The following IL36B variants were observed in gnomAD, a reference collection of about 807,000 sequenced individuals.
The protein encoded by IL36B is interleukin 36 beta, also known as interleukin-36 beta.
A neutral mutation model predicts 19.3 loss-of-function variants in IL36B; 23 were observed. The observed-to-expected ratio is 1.19, with a 90% confidence interval of 0.86 to 1.69. The LOEUF (loss-of-function observed/expected upper bound fraction) is 1.69. Ranked by LOEUF, IL36B falls within the 40% of genes most tolerant of loss-of-function variation. The pLI, the probability that IL36B is intolerant of heterozygous loss-of-function variation, is 0.00. For synonymous variants in IL36B, 59 were observed against 59.7 expected, an observed-to-expected ratio of 0.99 and a Z score of 0.05; for missense variants, 217 against 200.5, an observed-to-expected ratio of 1.08 and a Z score of -0.50.
At chr2:113,051,652 T>G (rs922142652) in intron 1 of IL36B, among the ~76,000 whole-genome samples, 1 of 152,142 alleles carries the variant, frequency 6.6e-6, no homozygotes, top group Non-Finnish European at 1.5e-5. Flanking sequence ...CATCCAGGGT[T>G]TCTCGAAAGC....
At chr2:113,032,281 C>T (rs1040962850) in intron 1 of IL36B, among the ~76,000 whole-genome samples, 1 of 152,088 alleles carries the variant, frequency 6.6e-6, no homozygotes, top group Admixed American at 6.5e-5. Context: ...CCATCTTCTT[C>T]CATTCCTCAT....
chr2:113,028,963 C>G lies in IL36B; in HGVS notation c.237G>C (p.Gln79His), dbSNP rs145021212. 404 of 1,614,096 alleles carry G rather than the reference C, an allele frequency of 2.5e-4. No homozygotes were observed. Among genetic ancestry groups the G allele is most frequent in the Non-Finnish European group, 3.4e-4 (396 of 1,179,982 alleles). The stretch of plus-strand genomic sequence containing the variant: ...CCTTAAGCTGCAAAGTAGGCTTGCC[C>G]TGAATTTCTGCACAGAAGAGACAGA... The change falls in exon 4 of 6, where the codon CAG becomes CAC. Residue 79 changes from glutamine (Q) to histidine (H), a missense_variant. Gln to His is a conservative substitution (Grantham distance 24). Transcript: ENST00000259213.
intron 1 of IL36B, among the ~76,000 whole-genome samples, chr2:113,034,472 A>G (rs1685131448): frequency 7.3e-6 from 1 of 136,354 alleles, no homozygotes; most frequent in Admixed American, 7.7e-5. Flanking sequence ...GTTTTGGAAA[A>G]TGTATTTATC....
chr2:113,038,321 T>C (rs982230659), intron 1 of IL36B, among the ~76,000 whole-genome samples: 13 of 152,236 alleles, frequency 8.5e-5, no homozygotes, highest in African/African-American at 3.1e-4. Flanking sequence ...GGCTCAGACA[T>C]CTGCCCAGTG....
intron 3 of IL36B, 105 bp downstream of exon 3, chr2:113,030,943 C>T: frequency 6.4e-6 from 5 of 782,262 alleles, no homozygotes; most frequent in South Asian, 4.5e-5. Flanking sequence ...GGGCTGGTGC[C>T]TAGAAGTGGG....
intron 1 of IL36B, among the ~76,000 whole-genome samples, chr2:113,046,385 A>AT (rs1558837506): frequency 1.3e-5 from 2 of 151,908 alleles, no homozygotes; most frequent in South Asian, 2.1e-4. Context: ...AATTTTTTGT[A>AT]TTTTTAGTAG....
chr2:113,028,593 G>A (rs560829444), intron 4 of IL36B, among the ~76,000 whole-genome samples: 1 of 152,288 alleles, frequency 6.6e-6, no homozygotes, highest in South Asian at 2.1e-4. Context: ...CTCCTCTGCT[G>A]TGCAGTCACC....
chr2:113,037,303 C>G (rs1685181777), intron 1 of IL36B, among the ~76,000 whole-genome samples: 1 of 152,178 alleles, frequency 6.6e-6, no homozygotes. Context: ...TTCTCTGGAA[C>G]AGAATAGAGA....
intron 4 of IL36B, among the ~76,000 whole-genome samples, chr2:113,026,862 T>C (rs1684971416): frequency 6.6e-6 from 1 of 152,214 alleles, no homozygotes; most frequent in African/African-American, 2.4e-5. Flanking sequence ...TTTTAAAATA[T>C]GGATTGGTTT....
chr2:113,028,357 G>A (rs1685004089), intron 4 of IL36B, among the ~76,000 whole-genome samples: 1 of 152,160 alleles, frequency 6.6e-6, no homozygotes, highest in Non-Finnish European at 1.5e-5. Context: ...AAGCATCACT[G>A]TCTTCCCTGG....
intron 1 of IL36B, among the ~76,000 whole-genome samples, chr2:113,033,517 G>A (rs1378368641): frequency 1.3e-5 from 2 of 152,166 alleles, no homozygotes; most frequent in Non-Finnish European, 2.9e-5. Flanking sequence ...AGGATTACAG[G>A]CGTGAGCCAC....
intron 5 of IL36B, among the ~76,000 whole-genome samples, chr2:113,025,701 A>G (rs2105039287): frequency 6.6e-6 from 1 of 152,344 alleles, no homozygotes. Context: ...GAAGGGATTT[A>G]GGATGTTAGT....
chr2:113,029,710 A>G (rs1022088175), intron 3 of IL36B, among the ~76,000 whole-genome samples: 5 of 152,182 alleles, frequency 3.3e-5, no homozygotes, highest in Non-Finnish European at 7.4e-5. Flanking sequence ...CGGGTAAACT[A>G]TTGAGAGAGG....
At chr2:113,025,632 G>T (rs1245493441) in intron 5 of IL36B, among the ~76,000 whole-genome samples, 2 of 152,156 alleles carry the variant, frequency 1.3e-5, no homozygotes, top group African/African-American at 4.8e-5. Flanking sequence ...TATGGACCTC[G>T]CAGAAGATAA....
At chr2:113,040,111 G>A (rs950438510) in intron 1 of IL36B, among the ~76,000 whole-genome samples, 1 of 152,216 alleles carries the variant, frequency 6.6e-6, no homozygotes, top group South Asian at 2.1e-4. Flanking sequence ...TGCTGAAATT[G>A]TCCAGACAAG....
intron 3 of IL36B, among the ~76,000 whole-genome samples, chr2:113,030,617 C>G (rs17042712): frequency 0.05 from 7,685 of 152,188 alleles, 644 homozygotes; most frequent in African/African-American, 0.18. Context: ...GATGGACTGA[C>G]TTTTGATGGG....
At chr2:113,041,628 C>T (rs1345560090) in intron 1 of IL36B, among the ~76,000 whole-genome samples, 1 of 152,150 alleles carries the variant, frequency 6.6e-6, no homozygotes, top group Non-Finnish European at 1.5e-5. Context: ...ACTTATTAGG[C>T]TCATCAAATG....
chr2:113,036,891 A>T (rs1685175854), intron 1 of IL36B, among the ~76,000 whole-genome samples: 1 of 152,234 alleles, frequency 6.6e-6, no homozygotes, highest in African/African-American at 2.4e-5. Context: ...TGCCCTGTGT[A>T]GCCTGCCTAT....
chr2:113,048,525 G>A (rs1054708865), intron 1 of IL36B, among the ~76,000 whole-genome samples: 10 of 152,122 alleles, frequency 6.6e-5, no homozygotes, highest in African/African-American at 2.2e-4. Flanking sequence ...TAGCATAAAT[G>A]TTTAGAAAAG....
Sources: gnomAD v4.1 joint callset for allele counts (sites outside exome capture counted in the v4.1 genomes callset) on GRCh38, gnomAD v4.1.1 for gene constraint, MANE v1.5 for transcripts, NCBI Gene and HGNC (gene_info 2026-07-23, HGNC 2026-07-21) for gene names.